The following SYN3 variants were observed in gnomAD, a reference collection of about 807,000 sequenced individuals.
SYN3 encodes the protein synapsin III.
Under a neutral mutation model 65.8 loss-of-function variants are expected in SYN3, and 35 were observed. The ratio of observed to expected loss-of-function variants is 0.53; its 90% CI spans 0.41 to 0.70. The LOEUF is 0.70. SYN3 is among the 30% of genes least tolerant of loss of function. The pLI, the probability that SYN3 is intolerant of heterozygous loss-of-function variation, is 0.00. For missense variants in SYN3, 680 were observed against 749.0 expected, an observed-to-expected ratio of 0.91 and a Z score of 1.08; for synonymous variants, 270 against 292.9, an observed-to-expected ratio of 0.92 and a Z score of 0.80.
chr22:32,618,620 G>A (rs976768124), intron 6 of SYN3, among the ~76,000 whole-genome samples: 1 of 152,188 alleles, frequency 6.6e-6, no homozygotes, highest in African/African-American at 2.4e-5. Context: ...TGGACGGAAT[G>A]TTCAGAGGCT....
chr22:32,828,335 C>T (rs2047474304), intron 6 of SYN3, among the ~76,000 whole-genome samples: 1 of 152,182 alleles, frequency 6.6e-6, no homozygotes, highest in Non-Finnish European at 1.5e-5. Context: ...CTTAGGACAA[C>T]ATTCTTTTAT....
At chr22:32,893,458 C>A (rs926666206) in intron 4 of SYN3, among the ~76,000 whole-genome samples, 9 of 152,188 alleles carry the variant, frequency 5.9e-5, no homozygotes, top group African/African-American at 2.2e-4. Flanking sequence ...GACACAGTAA[C>A]AGGGGCCCAG....
chr22:32,780,291 G>A (rs1474650293), intron 6 of SYN3, among the ~76,000 whole-genome samples: 1 of 151,992 alleles, frequency 6.6e-6, no homozygotes, highest in Non-Finnish European at 1.5e-5. Flanking sequence ...GGTGCCGGGA[G>A]GTGAATGAGA....
chr22:32,990,411 T>TCCAG (rs1461979933), intron 2 of SYN3, among the ~76,000 whole-genome samples: 1 of 27,342 alleles, frequency 3.7e-5, no homozygotes, highest in South Asian at 9.5e-4. Context: ...CATCCAGCCA[T>TCCAG]CCATCCATCC....
At chr22:32,668,351 C>T (rs959021235) in intron 6 of SYN3, among the ~76,000 whole-genome samples, 3 of 152,020 alleles carry the variant, frequency 2.0e-5, no homozygotes, top group Non-Finnish European at 4.4e-5. Context: ...TCACTTCCCT[C>T]ATTTCCACCC....
chr22:32,861,874 A>G (rs1269005489), intron 6 of SYN3: 1 of 152,698 alleles, frequency 6.5e-6, no homozygotes, highest in East Asian at 1.9e-4. Flanking sequence ...TTATTTTGCT[A>G]AATCTTGTGT....
chr22:32,515,649 T>C (rs1323445361), intron 13 of SYN3, among the ~76,000 whole-genome samples: 1 of 152,246 alleles, frequency 6.6e-6, no homozygotes, highest in Non-Finnish European at 1.5e-5. Context: ...ACTATGAAAG[T>C]ATATGTTCAG....
chr22:33,031,527 C>T (rs1474130223), intron 1 of SYN3, among the ~76,000 whole-genome samples: 9 of 152,118 alleles, frequency 5.9e-5, no homozygotes, highest in South Asian at 2.1e-4. Flanking sequence ...TGCCTCCCCA[C>T]GGGTTCTCCC....
At chr22:32,832,144 A>C (rs1293717484) in intron 6 of SYN3, among the ~76,000 whole-genome samples, 1 of 152,214 alleles carries the variant, frequency 6.6e-6, no homozygotes, top group Non-Finnish European at 1.5e-5. Flanking sequence ...TCCCAGGCTG[A>C]GAAAGAGACT....
intron 4 of SYN3, among the ~76,000 whole-genome samples, chr22:32,926,895 C>A (rs2050488161): frequency 6.6e-6 from 1 of 152,130 alleles, no homozygotes; most frequent in Admixed American, 6.5e-5. Context: ...ACAGGAGAAA[C>A]CAAGCATTCA....
At position 32,858,538 on chromosome 22, in the gene SYN3, A is replaced by G. The variant is rs572007688; in HGVS notation, c.711+6377T>C. On this transcript the variant is annotated intron_variant, in intron 6 of 13. Coordinates refer to ENST00000358763, the MANE Select transcript of SYN3 (RefSeq NM_003490.4). ...TCGCTAACCCCACCCCAGGTAGGCA[A>G]ATGGGCCCAGGACTGCAGAGACCAG... Among the ~76,000 whole-genome samples the G allele has an allele frequency of 3.9e-5, 6 of 152,164 alleles. No homozygotes were observed. In the East Asian group the frequency reaches 9.7e-4, roughly 25 times the overall value.
At chr22:33,049,212 T>C (rs1013198840) in intron 1 of SYN3, among the ~76,000 whole-genome samples, 1 of 152,216 alleles carries the variant, frequency 6.6e-6, no homozygotes, top group African/African-American at 2.4e-5. Context: ...TCCCGCTTGA[T>C]AGATAATCAA....
intron 6 of SYN3, among the ~76,000 whole-genome samples, chr22:32,843,942 T>C (rs368512889): frequency 3.9e-5 from 6 of 152,036 alleles, no homozygotes; most frequent in African/African-American, 1.4e-4. Flanking sequence ...TGTGTGTGTG[T>C]GGGGTGGCGG....
intron 6 of SYN3, among the ~76,000 whole-genome samples, chr22:32,618,350 A>G (rs1254705360): frequency 6.6e-6 from 1 of 152,158 alleles, no homozygotes; most frequent in Non-Finnish European, 1.5e-5. Flanking sequence ...CCAAAAAGGC[A>G]GTGGTTTCCA....
intron 6 of SYN3, among the ~76,000 whole-genome samples, chr22:32,678,474 G>T (rs2147099875): frequency 6.6e-6 from 1 of 152,168 alleles, no homozygotes; most frequent in South Asian, 2.1e-4. Context: ...CCACATATCT[G>T]TCCCCACAGC....
chr22:33,007,779 C>T (rs1050478459), intron 1 of SYN3, among the ~76,000 whole-genome samples: 1 of 152,130 alleles, frequency 6.6e-6, no homozygotes, highest in Admixed American at 6.5e-5. Flanking sequence ...GTTATGTCAG[C>T]ACAAGCAGAT....
At chr22:32,650,240 TCCCTCCCTCCCTCC>T (rs1206938766) in intron 6 of SYN3, among the ~76,000 whole-genome samples, 1,438 of 72,884 alleles carry the variant, frequency 0.02, 67 homozygotes, top group African/African-American at 0.074. Context: ...TCTCCCTCCC[TCCCTCCCTCCCTCC>T]CTCCCTCTCT....
At chr22:33,030,563 A>G (rs1569414598) in intron 1 of SYN3, among the ~76,000 whole-genome samples, 1 of 151,898 alleles carries the variant, frequency 6.6e-6, no homozygotes, top group Non-Finnish European at 1.5e-5. Context: ...AAATATATAG[A>G]GACTGAGAGA....
At chr22:32,870,581 C>T (rs1231027594) in intron 4 of SYN3, among the ~76,000 whole-genome samples, 1 of 152,092 alleles carries the variant, frequency 6.6e-6, no homozygotes, top group East Asian at 1.9e-4. Context: ...AGGGTGTAAG[C>T]TTTTTGTAAG....
Sources: allele counts gnomAD v4.1 joint callset (sites outside exome capture counted in the v4.1 genomes callset), GRCh38; gene constraint gnomAD v4.1.1; transcripts MANE v1.5; gene names NCBI Gene and HGNC (gene_info 2026-07-23, HGNC 2026-07-21).